Variants in ATP6V1A observed in about 807,000 individuals in gnomAD.
ATP6V1A encodes ATPase H+ transporting V1 subunit A.
In ATP6V1A, 18 loss-of-function variants were observed where a neutral mutation model predicts 70.1. The observed-to-expected ratio is 0.26, with a 90% CI of 0.18 to 0.38. The LOEUF is 0.38. Ranked by LOEUF, ATP6V1A falls within the 10% of genes least tolerant of loss-of-function variation. The probability of loss-of-function intolerance (pLI) is 1.00; values close to 1 mark genes in which losing one functional copy is unlikely to be tolerated. For synonymous variants in ATP6V1A, 232 were observed against 253.8 expected, an observed-to-expected ratio of 0.91 and a Z score of 0.82; for missense variants, 424 against 772.4, an observed-to-expected ratio of 0.55 and a Z score of 5.35.
chr3:113,771,809 T>C (rs947247971), intron 1 of ATP6V1A, among the ~76,000 whole-genome samples: 2 of 152,178 alleles, frequency 1.3e-5, no homozygotes, highest in African/African-American at 4.8e-5. Flanking sequence ...AAGGTACATA[T>C]TTTTCTTATA....
rs781198967 is a variant in ATP6V1A, at chr3:113,784,671, A to C, written c.427-25A>C. The C allele has an allele frequency of 1.0e-5, 16 of 1,607,852 alleles. No individual in the cohort carries two copies. The African/African-American group carries it at 2.0e-4, about 20-fold the overall frequency. ...TCTACTTGACATTTATTTGCAAATT[A>C]AACAGCAAATACATTTATCTCTAGG... On this transcript the variant is annotated intron_variant, in intron 4 of 14. Transcript: ENST00000273398.
At chr3:113,769,888 A>G (rs1323308555) in intron 1 of ATP6V1A, among the ~76,000 whole-genome samples, 1 of 152,154 alleles carries the variant, frequency 6.6e-6, no homozygotes, top group Admixed American at 6.5e-5. Flanking sequence ...TGTAAGTTGC[A>G]TTTACTTTTT....
In ATP6V1A at chr3:113,753,294, C is replaced by T. The variant is rs1483038510; in HGVS notation, c.-14+6181C>T. ...CAAAAATTAAGTGGTAAACCTACTGCTAGCAGGGATATGTGGAGAAGGATT... is the reference window on the plus strand; with the variant it reads ...CAAAAATTAAGTGGTAAACCTACTGTTAGCAGGGATATGTGGAGAAGGATT... On this transcript the variant is annotated intron_variant, in intron 1 of 14. Coordinates refer to ENST00000273398, the MANE Select transcript of ATP6V1A (RefSeq NM_001690.4). Among the ~76,000 whole-genome samples, 21 of 152,156 alleles carry T rather than the reference C, an allele frequency of 1.4e-4. 1 individual carries two copies. The highest frequency in any genetic ancestry group is 1.4e-3 in the Admixed American group (21 of 15,276).
intron 1 of ATP6V1A, among the ~76,000 whole-genome samples, chr3:113,748,021 C>CT (rs762378798): frequency 9.9e-5 from 15 of 152,194 alleles, no homozygotes; most frequent in Non-Finnish European, 1.9e-4. Flanking sequence ...CAATCCTTCC[C>CT]TTTTTGTCAT....
At chr3:113,760,611 C>G (rs1238176624) in intron 1 of ATP6V1A, among the ~76,000 whole-genome samples, 1 of 150,616 alleles carries the variant, frequency 6.6e-6, no homozygotes, top group Non-Finnish European at 1.5e-5. Context: ...GCCTGTAGTC[C>G]CAGCTACTCA....
At chr3:113,750,688 A>G (rs1459060512) in intron 1 of ATP6V1A, among the ~76,000 whole-genome samples, 1 of 152,216 alleles carries the variant, frequency 6.6e-6, no homozygotes, top group East Asian at 1.9e-4. Flanking sequence ...GGTGCTATTA[A>G]GTTAGATCAT....
intron 1 of ATP6V1A, among the ~76,000 whole-genome samples, chr3:113,772,933 C>CTTTTTTTTTTTTTTTTTTTTTTTT (rs762901487): frequency 2.2e-5 from 2 of 90,450 alleles, no homozygotes; most frequent in African/African-American, 9.0e-5. Flanking sequence ...TTAATATTGG[C>CTTTTTTTTTTTTTTTTTTTTTTTT]TTTTTTTTTT....
chr3:113,778,808 G>T lies in ATP6V1A; in HGVS notation c.55G>T (p.Gly19Cys). 1 of 1,591,094 alleles carries T rather than the reference G, an allele frequency of 6.3e-7. No individual in the cohort carries two copies. Among genetic ancestry groups the T allele is most frequent in the South Asian group, 1.2e-5 (1 of 86,738 alleles). The part of the protein sequence containing the change: ...ILDEDKESTF[G>C]YVHGVSGPVV... ...CGATGAAGATAAAGAAAGCACATTTGGTTATGTGCATGGGGTCTCAGGACC... is the reference window on the plus strand; with the variant it reads ...CGATGAAGATAAAGAAAGCACATTTTGTTATGTGCATGGGGTCTCAGGACC... Residue 19 changes from glycine to cysteine, a missense_variant, in exon 2 of 15, where the codon GGT becomes TGT. Around this residue, in one of 9 missense-constraint regions of ATP6V1A, gnomAD observed 21 missense variants for 20.4 expected, o/e 1.03. Transcript: ENST00000273398.
intron 14 of ATP6V1A, among the ~76,000 whole-genome samples, chr3:113,805,878 C>T (rs1709270756): frequency 1.3e-5 from 2 of 152,140 alleles, no homozygotes; most frequent in Admixed American, 6.5e-5. Context: ...AGTCCCAAAC[C>T]TGGGCTGTAA....
At chr3:113,750,496 C>G (rs962068237) in intron 1 of ATP6V1A, among the ~76,000 whole-genome samples, 2 of 151,824 alleles carry the variant, frequency 1.3e-5, no homozygotes, top group Non-Finnish European at 2.9e-5. Context: ...AAAACAAAAA[C>G]AAAAACAAAA....
chr3:113,782,542 C>CTA (rs1553709712), intron 3 of ATP6V1A, among the ~76,000 whole-genome samples: 3,791 of 141,080 alleles, frequency 0.027, 69 homozygotes, highest in Non-Finnish European at 0.033. Context: ...CTCTCTCTCT[C>CTA]TATATATATA....
At chr3:113,780,961 A>G in intron 2 of ATP6V1A, 89 bp from the exon 3 acceptor site, 2 of 1,479,360 alleles carry the variant, frequency 1.4e-6, no homozygotes, top group South Asian at 2.7e-5. Flanking sequence ...GAGGCACAAT[A>G]CTGGGTTTAT....
chr3:113,805,911 T>C (rs1709270984), intron 14 of ATP6V1A, among the ~76,000 whole-genome samples: 1 of 152,172 alleles, frequency 6.6e-6, no homozygotes, highest in Non-Finnish European at 1.5e-5. Context: ...TTTTCACACA[T>C]GTTCAGGTTT....
intron 1 of ATP6V1A, among the ~76,000 whole-genome samples, chr3:113,753,423 A>G (rs529785403): frequency 6.6e-6 from 1 of 152,320 alleles, no homozygotes; most frequent in African/African-American, 2.4e-5. Flanking sequence ...TCCACCCATC[A>G]GTCTAACTCC....
At chr3:113,770,504 C>G (rs553692629) in intron 1 of ATP6V1A, among the ~76,000 whole-genome samples, 26 of 152,048 alleles carry the variant, frequency 1.7e-4, no homozygotes, top group African/African-American at 5.3e-4. Context: ...TTGGCGAAAT[C>G]CCGTCTCTAC....
rs764397031 is a variant in ATP6V1A, at chr3:113,789,729, T to C, written c.880-3T>C. On this transcript the variant is annotated splice_polypyrimidine_tract_variant and splice_region_variant and intron_variant, in intron 7 of 14. Coordinates refer to ENST00000273398, the MANE Select transcript of ATP6V1A (RefSeq NM_001690.4). ...GATTCACTAATATATATTTTACCTC[T>C]AGCTCACAATGGAGGTTGATGGTAA... 6.3e-7 allele frequency: 1 copy of C among 1,592,398 alleles called. No homozygotes were observed. Among genetic ancestry groups the C allele is most frequent in the Non-Finnish European group, 8.6e-7 (1 of 1,160,650 alleles).
chr3:113,764,594 T>C (rs1708746408), intron 1 of ATP6V1A, among the ~76,000 whole-genome samples: 1 of 152,242 alleles, frequency 6.6e-6, no homozygotes, highest in Non-Finnish European at 1.5e-5. Context: ...ATTTATATTG[T>C]TGGCTGTCTT....
intron 1 of ATP6V1A, among the ~76,000 whole-genome samples, chr3:113,751,413 A>G (rs1708585430): frequency 6.6e-6 from 1 of 151,700 alleles, no homozygotes; most frequent in Non-Finnish European, 1.5e-5. Flanking sequence ...AAAATTACTC[A>G]TTTGTCTTAA....
chr3:113,771,862 G>T (rs900287197), intron 1 of ATP6V1A, among the ~76,000 whole-genome samples: 1 of 152,064 alleles, frequency 6.6e-6, no homozygotes, highest in Non-Finnish European at 1.5e-5. Context: ...AACTTGTTTG[G>T]ATTTCAGAGA....
Sources: gnomAD v4.1 joint callset for allele counts (sites outside exome capture counted in the v4.1 genomes callset) on GRCh38, gnomAD v4.1.1 for gene constraint, gnomAD v4.1.1 regional missense constraint, MANE v1.5 for transcripts, NCBI Gene and HGNC (gene_info 2026-07-23, HGNC 2026-07-21) for gene names.